Variants in MTHFD1L observed in about 807,000 individuals in gnomAD.
The protein encoded by MTHFD1L is methylenetetrahydrofolate dehydrogenase (NADP+ dependent) 1 like.
A neutral mutation model predicts 119.5 loss-of-function variants in MTHFD1L; 81 were observed. The ratio of observed to expected loss-of-function variants is 0.68; its 90% CI spans 0.57 to 0.82. The LOEUF (loss-of-function observed/expected upper bound fraction) is 0.82, where lower values mean the gene tolerates loss of function less well. Among genes scored for constraint, MTHFD1L ranks in the 40% least tolerant of loss-of-function variants. MTHFD1L has a pLI of 0.00. For synonymous variants in MTHFD1L, 430 were observed against 475.2 expected (o/e 0.90, Z 1.24); for missense variants, 1,125 against 1,253.4 (o/e 0.90, Z 1.55).
At chr6:151,029,691 G>A (rs1275764248) in intron 24 of MTHFD1L, among the ~76,000 whole-genome samples, 1 of 152,134 alleles carries the variant, frequency 6.6e-6, no homozygotes, top group African/African-American at 2.4e-5. Flanking sequence ...AGCTACTTGG[G>A]AGGCTGAGGC....
chr6:151,088,133 A>C (rs940063437), intron 26 of MTHFD1L: 1 of 152,112 alleles, frequency 6.6e-6, no homozygotes, highest in Non-Finnish European at 1.5e-5. Context: ...AATTTGTGGG[A>C]ATGCATAAGG....
At chr6:150,965,964 G>T (rs1481169812) in intron 19 of MTHFD1L, among the ~76,000 whole-genome samples, 1 of 152,184 alleles carries the variant, frequency 6.6e-6, no homozygotes, top group Non-Finnish European at 1.5e-5. Flanking sequence ...GTCTGTGCCT[G>T]CCCGCCTGTT....
At chr6:151,076,750 C>A (rs149929087) in intron 26 of MTHFD1L, among the ~76,000 whole-genome samples, 2 of 152,102 alleles carry the variant, frequency 1.3e-5, no homozygotes, top group African/African-American at 4.8e-5. Flanking sequence ...AACAGTACCA[C>A]CCCCTTGGAA....
intron 4 of MTHFD1L, among the ~76,000 whole-genome samples, chr6:150,879,962 C>G (rs1008956800): frequency 6.6e-6 from 1 of 151,998 alleles, no homozygotes; most frequent in South Asian, 2.1e-4. Context: ...TGATTTTCGT[C>G]GTTGTTGTTT....
chr6:150,944,135 A>G (rs1472465640), intron 13 of MTHFD1L, among the ~76,000 whole-genome samples: 2 of 152,230 alleles, frequency 1.3e-5, no homozygotes, highest in Admixed American at 1.3e-4. Context: ...TCAGCTCATT[A>G]TAAGGATATG....
intron 21 of MTHFD1L, among the ~76,000 whole-genome samples, chr6:151,010,602 A>T (rs73780311): frequency 6.6e-6 from 1 of 152,308 alleles, no homozygotes; most frequent in African/African-American, 2.4e-5. Context: ...ATATATATAG[A>T]AATTACAGAC....
chr6:150,922,364 T>C lies in MTHFD1L; in HGVS notation c.1082+62T>C, dbSNP rs974669641. On this transcript the variant is annotated intron_variant, in intron 10 of 27. Transcript: ENST00000367321. ...AGCACAGTGCCTTAGCCCTAGTTAG[T>C]CATGGGGGAGAAGCACAACTCATGG... 7 of 1,351,874 alleles carry C rather than the reference T, an allele frequency of 5.2e-6. No homozygotes were observed. The African/African-American group carries it at 1.0e-4, about 19-fold the overall frequency. The allele number at this position is 1,351,874 out of a possible 1,614,324, so 83.7% of individuals were successfully genotyped here.
At chr6:151,018,955 T>C (rs904769147) in intron 24 of MTHFD1L, among the ~76,000 whole-genome samples, 14 of 152,012 alleles carry the variant, frequency 9.2e-5, no homozygotes, top group Non-Finnish European at 1.5e-4. Flanking sequence ...TTTGGATGAG[T>C]GAAAAGAAAA....
chr6:151,011,791 G>T (rs1462287011), intron 21 of MTHFD1L, among the ~76,000 whole-genome samples: 1 of 151,928 alleles, frequency 6.6e-6, no homozygotes, highest in Non-Finnish European at 1.5e-5. Flanking sequence ...AGCCAGGCGT[G>T]GTGGCTCATG....
chr6:150,982,974 A>G (rs12190493), intron 20 of MTHFD1L, among the ~76,000 whole-genome samples: 425 of 152,344 alleles, frequency 2.8e-3, no homozygotes, highest in Non-Finnish European at 4.7e-3. Context: ...TACTGGGATT[A>G]CAGGCATGAG....
chr6:150,867,195 CTTCTT>C (rs1554220293), intron 1 of MTHFD1L, among the ~76,000 whole-genome samples: 2 of 152,064 alleles, frequency 1.3e-5, no homozygotes, highest in Non-Finnish European at 2.9e-5. Flanking sequence ...TGTTCTCTGT[CTTCTT>C]TTTCTTTTAG....
chr6:150,972,204 C>T (rs1383358374), intron 20 of MTHFD1L, 146 bp downstream of exon 20: 10 of 705,248 alleles, frequency 1.4e-5, no homozygotes, highest in Non-Finnish European at 4.8e-6. Context: ...ATGGAAAAGC[C>T]CTAAGGTCTG....
At chr6:150,866,231 T>C in intron 1 of MTHFD1L, 182 bp downstream of exon 1, 1 of 1,389,104 alleles carries the variant, frequency 7.2e-7, no homozygotes, top group South Asian at 1.5e-5. Context: ...CCGGGAGCGC[T>C]GGCGGAGAAC....
At chr6:150,937,897 C>T (rs1291655608) in intron 12 of MTHFD1L, among the ~76,000 whole-genome samples, 1 of 152,212 alleles carries the variant, frequency 6.6e-6, no homozygotes, top group African/African-American at 2.4e-5. Context: ...AGTCCTTTTA[C>T]TCTAACAACC....
chr6:151,003,828 A>G (rs997923712), intron 20 of MTHFD1L, among the ~76,000 whole-genome samples: 1 of 152,124 alleles, frequency 6.6e-6, no homozygotes, highest in East Asian at 1.9e-4. Flanking sequence ...TGGGCTGGGC[A>G]TCAGAGGGAC....
Position 151,039,929 on chromosome 6 carries a change from C to T in MTHFD1L, c.2847+2812C>T, listed in dbSNP as rs1786814346. Among the ~76,000 whole-genome samples the T allele has an allele frequency of 8.1e-6, 1 of 123,034 alleles. No individual in the cohort carries two copies. The allele number at this position is 123,034 out of a possible 152,430, so 80.7% of individuals were successfully genotyped here. On this transcript the variant is annotated intron_variant, in intron 26 of 27. Transcript: ENST00000367321. The surrounding 1 kb of genome is among the most constrained non-coding windows in gnomAD (Gnocchi z 4.4). ...GACTTCATCTCTAAATACATACATA[C>T]ATACATACATACATACATGCATACA...
intron 26 of MTHFD1L, among the ~76,000 whole-genome samples, chr6:151,042,887 A>G (rs1464906698): frequency 3.9e-5 from 6 of 152,180 alleles, no homozygotes; most frequent in African/African-American, 9.7e-5. Flanking sequence ...AATACAGTAA[A>G]TAGGGCGATG....
intron 26 of MTHFD1L, among the ~76,000 whole-genome samples, chr6:151,071,299 G>A (rs1791921453): frequency 6.6e-6 from 1 of 152,144 alleles, no homozygotes. Flanking sequence ...GAGATAAGGG[G>A]TGCTGCAGAA....
chr6:150,867,614 T>G (rs1325032739), intron 1 of MTHFD1L, among the ~76,000 whole-genome samples: 3 of 152,294 alleles, frequency 2.0e-5, no homozygotes, highest in African/African-American at 7.2e-5. Context: ...ACTTCCTTCT[T>G]TGCTCATTTC....
Sources: allele counts gnomAD v4.1 joint callset (sites outside exome capture counted in the v4.1 genomes callset), GRCh38; gene constraint gnomAD v4.1.1; non-coding constraint Gnocchi (gnomAD v3.1); transcripts MANE v1.5; gene names NCBI Gene and HGNC (gene_info 2026-07-23, HGNC 2026-07-21).